LCMT1: variants seen among roughly 807,000 people sequenced by gnomAD.
LCMT1 encodes leucine carboxyl methyltransferase 1, also known as [Phosphatase 2A protein]-leucine-carboxy methyltransferase 1.
LCMT1 carries 32 observed loss-of-function variants against 47.7 expected under a neutral mutation model. That is an observed-to-expected ratio of 0.67 (90% CI 0.51 to 0.90). The LOEUF (loss-of-function observed/expected upper bound fraction) is 0.90, where lower values mean the gene tolerates loss of function less well. LCMT1 is among the 40% of genes least tolerant of loss of function. The pLI is 0.00. For synonymous variants in LCMT1, 152 were observed against 149.7 expected (o/e 1.02, Z -0.11); for missense variants, 375 against 415.2 (o/e 0.90, Z 0.84).
Position 25,132,619 on chromosome 16 carries a change from G to A in LCMT1, c.327+96G>A, listed in dbSNP as rs962211112. ...AATGTAAACATATATTAAAAGTTATGCAGCGAAAGCCTGTCTCCCACCCCT... is the reference window on the plus strand; with the variant it reads ...AATGTAAACATATATTAAAAGTTATACAGCGAAAGCCTGTCTCCCACCCCT... On this transcript the variant is annotated intron_variant, in intron 3 of 10. Coordinates refer to ENST00000399069, the MANE Select transcript of LCMT1 (RefSeq NM_016309.3). 5.1e-6 allele frequency: 7 copies of A among 1,366,286 alleles called. No individual in the cohort carries two copies. In the Admixed American group the frequency reaches 1.3e-4, roughly 25 times the overall value. The allele number at this position is 1,366,286 out of a possible 1,614,324, so 84.6% of individuals were successfully genotyped here.
intron 10 of LCMT1, among the ~76,000 whole-genome samples, chr16:25,177,308 G>A (rs1961978669): frequency 6.6e-6 from 1 of 152,122 alleles, no homozygotes; most frequent in South Asian, 2.1e-4. Context: ...CCACCTGTAT[G>A]CCTGTCAGTC....
intron 1 of LCMT1, among the ~76,000 whole-genome samples, chr16:25,118,856 G>A (rs1184686507): frequency 6.6e-6 from 1 of 152,084 alleles, no homozygotes; most frequent in Non-Finnish European, 1.5e-5. Flanking sequence ...GGTGCAGGAG[G>A]CGGGGGCAGA....
chr16:25,157,621 G>A (rs1961301590), intron 5 of LCMT1, among the ~76,000 whole-genome samples: 1 of 152,162 alleles, frequency 6.6e-6, no homozygotes, highest in African/African-American at 2.4e-5. Context: ...GATAATTAAA[G>A]CTTGTATCCA....
intron 1 of LCMT1, among the ~76,000 whole-genome samples, chr16:25,124,210 T>G (rs1353046749): frequency 6.6e-6 from 1 of 152,194 alleles, no homozygotes; most frequent in Non-Finnish European, 1.5e-5. Flanking sequence ...AGTAAAACAC[T>G]GAAAAAGTTT....
chr16:25,126,129 A>C (rs768400196), intron 1 of LCMT1: 2 of 1,351,452 alleles, frequency 1.5e-6, no homozygotes, highest in Non-Finnish European at 2.0e-6. Context: ...GGGAGGAGGA[A>C]AGTGTTAGGG....
chr16:25,131,871 A>G (rs1194234114), intron 2 of LCMT1, among the ~76,000 whole-genome samples: 1 of 152,150 alleles, frequency 6.6e-6, no homozygotes, highest in Non-Finnish European at 1.5e-5. Context: ...AAGCCATTTT[A>G]TTAGGCAGCA....
At chr16:25,119,923 G>A (rs981291208) in intron 1 of LCMT1, among the ~76,000 whole-genome samples, 12 of 152,068 alleles carry the variant, frequency 7.9e-5, no homozygotes, top group Non-Finnish European at 1.0e-4. Flanking sequence ...CACTTTGGGA[G>A]GCTGAGGCAA....
At chr16:25,113,140 CAAAA>C (rs59940814) in intron 1 of LCMT1, among the ~76,000 whole-genome samples, 6 of 109,056 alleles carry the variant, frequency 5.5e-5, no homozygotes, top group Middle Eastern at 4.8e-3. Flanking sequence ...GACTATGTCT[CAAAA>C]AAAAAAAAAA....
intron 6 of LCMT1, among the ~76,000 whole-genome samples, chr16:25,163,033 T>C (rs1244486941): frequency 1.3e-5 from 2 of 152,134 alleles, no homozygotes; most frequent in East Asian, 3.9e-4. Flanking sequence ...ACCACACCCA[T>C]TTAATTTTTG....
chr16:25,120,829 CG>C, intron 1 of LCMT1, among the ~76,000 whole-genome samples: 1 of 146,602 alleles, frequency 6.8e-6, no homozygotes. Flanking sequence ...CTTACTGCAG[CG>C]TTTACCTCCC....
chr16:25,145,955 C>G (rs1213594018), intron 4 of LCMT1: 1 of 152,222 alleles, frequency 6.6e-6, no homozygotes, highest in Non-Finnish European at 1.5e-5. Context: ...AGGTGGATTC[C>G]CTGTTCTGGC....
At chr16:25,128,632 TGAAG>T in intron 2 of LCMT1, 66 bp downstream of exon 2, 1 of 1,239,816 alleles carries the variant, frequency 8.1e-7, no homozygotes. Context: ...GGTTCATTCT[TGAAG>T]GAAGTCGTGG....
chr16:25,163,099 C>A (rs72771313), intron 6 of LCMT1, among the ~76,000 whole-genome samples: 1 of 152,334 alleles, frequency 6.6e-6, no homozygotes, highest in Non-Finnish European at 1.5e-5. Flanking sequence ...TGAGCCCAAG[C>A]GATCTAACTG....
rs73563405 is a variant in LCMT1 at position 25,120,817 on chromosome 16, A to G, written c.114-7658A>G. ...GGGTGGAGGGCAGTGGTATATTCAC[A>G]GCTTACTGCAGCGTTTACCTCCCCG... On this transcript the variant is annotated intron_variant, in intron 1 of 10. Transcript: ENST00000399069. Among the ~76,000 whole-genome samples the G allele has an allele frequency of 8.6e-3, 1,222 of 142,830 alleles. 22 individuals are homozygous for G. Among genetic ancestry groups the G allele is most frequent in the African/African-American group, 0.031 (1,173 of 38,230 alleles). The allele number at this position is 142,830 out of a possible 152,430, so 93.7% of individuals were successfully genotyped here.
chr16:25,159,811 A>G (rs1421739727), intron 5 of LCMT1, among the ~76,000 whole-genome samples: 1 of 152,136 alleles, frequency 6.6e-6, no homozygotes, highest in Non-Finnish European at 1.5e-5. Context: ...CTCAGAGCCA[A>G]GAGAACCTGA....
At chr16:25,168,858 G>C (rs1013309460) in intron 7 of LCMT1, among the ~76,000 whole-genome samples, 1 of 152,128 alleles carries the variant, frequency 6.6e-6, no homozygotes, top group Admixed American at 6.5e-5. Context: ...AGGATAGATT[G>C]CTTTTGGTGG....
chr16:25,151,062 A>AT (rs1472879466), intron 4 of LCMT1, among the ~76,000 whole-genome samples: 2 of 152,020 alleles, frequency 1.3e-5, no homozygotes, highest in Non-Finnish European at 2.9e-5. Context: ...CTGATTTCTG[A>AT]TTTTTTGCCT....
At chr16:25,127,177 T>C (rs1960215693) in intron 1 of LCMT1, among the ~76,000 whole-genome samples, 1 of 152,242 alleles carries the variant, frequency 6.6e-6, no homozygotes, top group Non-Finnish European at 1.5e-5. Flanking sequence ...ATAAATGTCT[T>C]AATCCTTACT....
At chr16:25,137,944 C>T (rs1464491586) in intron 3 of LCMT1, among the ~76,000 whole-genome samples, 2 of 152,110 alleles carry the variant, frequency 1.3e-5, no homozygotes, top group Non-Finnish European at 2.9e-5. Flanking sequence ...CGCACTCACC[C>T]CCCCGGGATT....
Sources: gnomAD v4.1 joint callset for allele counts (sites outside exome capture counted in the v4.1 genomes callset) on GRCh38, gnomAD v4.1.1 for gene constraint, MANE v1.5 for transcripts, NCBI Gene and HGNC (gene_info 2026-07-23, HGNC 2026-07-21) for gene names.